Variants in MARCHF1 observed in about 807,000 individuals in gnomAD.
MARCHF1 encodes E3 ubiquitin-protein ligase MARCHF1.
In MARCHF1, 40 loss-of-function variants were observed where a neutral mutation model predicts 54.2. The observed-to-expected ratio is 0.74, with a 90% CI of 0.57 to 0.96. The LOEUF is 0.96. Ranked by LOEUF, MARCHF1 falls within the 40% of genes least tolerant of loss-of-function variation. MARCHF1 has a pLI of 0.00. For synonymous variants in MARCHF1, 236 were observed against 236.3 expected, an observed-to-expected ratio of 1.00 and a Z score of 0.01; for missense variants, 586 against 656.5, an observed-to-expected ratio of 0.89 and a Z score of 1.17.
chr4:163,765,726 T>G (rs1746955274), intron 4 of MARCHF1, among the ~76,000 whole-genome samples: 1 of 151,658 alleles, frequency 6.6e-6, no homozygotes, highest in Admixed American at 6.6e-5. Flanking sequence ...TGTCCAAGTG[T>G]GACATTTTGG....
At chr4:164,358,861 T>C (rs1202602317) in intron 1 of MARCHF1, among the ~76,000 whole-genome samples, 1 of 152,116 alleles carries the variant, frequency 6.6e-6, no homozygotes, top group Admixed American at 6.6e-5. Context: ...CATCGAGCAA[T>C]TGGATTTTTA....
intron 2 of MARCHF1, among the ~76,000 whole-genome samples, chr4:164,013,455 T>A (rs561707616): frequency 3.9e-5 from 6 of 152,102 alleles, no homozygotes; most frequent in African/African-American, 1.4e-4. Context: ...TTAAGGAGGA[T>A]GGAAAGAGAA....
chr4:164,006,619 C>T (rs527280896), intron 2 of MARCHF1, among the ~76,000 whole-genome samples: 9 of 151,916 alleles, frequency 5.9e-5, no homozygotes, highest in South Asian at 2.1e-4. Context: ...ATCCAGATAC[C>T]GGCAGTCCTA....
intron 7 of MARCHF1, among the ~76,000 whole-genome samples, chr4:163,595,986 GCAT>G (rs1740755227): frequency 1.3e-5 from 2 of 151,614 alleles, no homozygotes; most frequent in Middle Eastern, 6.8e-3. Context: ...GATTAATTTG[GCAT>G]ATTAGATAAG....
intron 1 of MARCHF1, among the ~76,000 whole-genome samples, chr4:164,231,221 T>C (rs1010190689): frequency 6.6e-6 from 1 of 152,150 alleles, no homozygotes; most frequent in African/African-American, 2.4e-5. Flanking sequence ...AAAAATATAA[T>C]AGTAAAATGT....
chr4:163,726,683 C>G (rs1034990165), intron 4 of MARCHF1, among the ~76,000 whole-genome samples: 3 of 152,336 alleles, frequency 2.0e-5, no homozygotes, highest in African/African-American at 7.2e-5. Flanking sequence ...AACTCACAAA[C>G]TATCTTCTAA....
At chr4:164,070,034 T>A (rs1283639542) in intron 2 of MARCHF1, among the ~76,000 whole-genome samples, 1 of 152,180 alleles carries the variant, frequency 6.6e-6, no homozygotes, top group Admixed American at 6.5e-5. Context: ...AAATACTGCA[T>A]GTTCTAATTT....
chr4:164,163,675 T>C (rs1211031022), intron 1 of MARCHF1, among the ~76,000 whole-genome samples: 1 of 151,912 alleles, frequency 6.6e-6, no homozygotes, highest in Non-Finnish European at 1.5e-5. Context: ...CTTATTTGAA[T>C]GAATGAGAGA....
intron 3 of MARCHF1, among the ~76,000 whole-genome samples, chr4:163,930,198 G>C (rs1311386659): frequency 5.3e-5 from 8 of 151,082 alleles, no homozygotes; most frequent in African/African-American, 1.7e-4. Flanking sequence ...AAGTTAGACA[G>C]TAACTGTAAG....
At chr4:164,019,014 CTTCTA>C (rs1458107406) in intron 2 of MARCHF1, among the ~76,000 whole-genome samples, 1 of 152,196 alleles carries the variant, frequency 6.6e-6, no homozygotes. Flanking sequence ...GCTGATCTCT[CTTCTA>C]TTCTGCTCAG....
intron 1 of MARCHF1, among the ~76,000 whole-genome samples, chr4:164,201,420 C>T (rs910110160): frequency 2.0e-5 from 3 of 152,138 alleles, no homozygotes; most frequent in Non-Finnish European, 2.9e-5. Context: ...CAGGGTTTCA[C>T]CATGTTGGCC....
intron 4 of MARCHF1, among the ~76,000 whole-genome samples, chr4:163,743,719 C>T (rs1211898148): frequency 1.3e-5 from 2 of 152,144 alleles, no homozygotes; most frequent in East Asian, 3.9e-4. Flanking sequence ...GCTGGGACTA[C>T]AGGCGCCCGC....
intron 3 of MARCHF1, among the ~76,000 whole-genome samples, chr4:163,862,186 A>G (rs982516216): frequency 6.6e-6 from 1 of 152,104 alleles, no homozygotes; most frequent in East Asian, 1.9e-4. Context: ...ATCATGATTC[A>G]TGAAAGAAAA....
At chr4:164,016,920 T>A (rs1338947997) in intron 2 of MARCHF1, among the ~76,000 whole-genome samples, 4 of 152,128 alleles carry the variant, frequency 2.6e-5, no homozygotes, top group Admixed American at 6.6e-5. Flanking sequence ...ATGTACCCTA[T>A]AAATATGTAC....
intron 1 of MARCHF1, among the ~76,000 whole-genome samples, chr4:164,145,175 A>C (rs1254942863): frequency 1.3e-5 from 2 of 151,970 alleles, no homozygotes; most frequent in Non-Finnish European, 2.9e-5. Flanking sequence ...TTGTGGCAAT[A>C]ATCAATAGCT....
chr4:164,275,622 A>C (rs1422816785), intron 1 of MARCHF1, among the ~76,000 whole-genome samples: 2 of 152,232 alleles, frequency 1.3e-5, no homozygotes, highest in African/African-American at 4.8e-5. Flanking sequence ...AGGTACTTAA[A>C]AGTTAGCTCC....
intron 4 of MARCHF1, among the ~76,000 whole-genome samples, chr4:163,775,205 G>C (rs1468261705): frequency 6.6e-6 from 1 of 152,080 alleles, no homozygotes; most frequent in African/African-American, 2.4e-5. Context: ...TCTTCTTACT[G>C]AATTCTCTTT....
intron 3 of MARCHF1, among the ~76,000 whole-genome samples, chr4:163,885,722 T>A (rs1406005986): frequency 6.6e-6 from 1 of 151,936 alleles, no homozygotes; most frequent in Non-Finnish European, 1.5e-5. Flanking sequence ...TTTTATAATG[T>A]ACACAATATA....
chr4:163,625,950 T>A (rs1323030393), intron 5 of MARCHF1, among the ~76,000 whole-genome samples: 1 of 152,222 alleles, frequency 6.6e-6, no homozygotes. Flanking sequence ...TGCTAGTTGG[T>A]ACATTACGAG....
Sources: allele counts gnomAD v4.1 joint callset (sites outside exome capture counted in the v4.1 genomes callset), GRCh38; gene constraint gnomAD v4.1.1; transcripts MANE v1.5; gene names NCBI Gene and HGNC (gene_info 2026-07-23, HGNC 2026-07-21).